Variants in GRM8 observed in about 807,000 individuals in gnomAD.
The protein encoded by GRM8 is metabotropic glutamate receptor 8.
Under a neutral mutation model 87.2 loss-of-function variants are expected in GRM8, and 47 were observed. The ratio of observed to expected loss-of-function variants is 0.54; its 90% CI spans 0.43 to 0.69. The LOEUF (loss-of-function observed/expected upper bound fraction) is 0.69, where lower values mean the gene tolerates loss of function less well. Among genes scored for constraint, GRM8 ranks in the 30% least tolerant of loss-of-function variants. The pLI, the probability that GRM8 is intolerant of heterozygous loss-of-function variation, is 0.00. For missense variants in GRM8, 1,019 were observed against 1,139.2 expected, an observed-to-expected ratio of 0.89 and a Z score of 1.52; for synonymous variants, 396 against 404.5, an observed-to-expected ratio of 0.98 and a Z score of 0.25.
chr7:127,153,001 T>C (rs1188913651), intron 2 of GRM8, among the ~76,000 whole-genome samples: 1 of 152,148 alleles, frequency 6.6e-6, no homozygotes, highest in African/African-American at 2.4e-5. Flanking sequence ...TTAAAGTATT[T>C]AACACCCTCC....
In GRM8 at chr7:127,022,213, G is replaced by A. The variant is rs1361962; in HGVS notation, c.727+84283C>T. Among the ~76,000 whole-genome samples the A allele has an allele frequency of 9.6e-4, 145 of 151,442 alleles. 4 individuals are homozygous for A. In the East Asian group the frequency reaches 0.022, roughly 23 times the overall value. ...TACAAATTTTATTATGGCAGCACAG[G>A]TCACTGTGTGGTAACTGTCTGAACT... On this transcript the variant is annotated intron_variant, in intron 3 of 10. Coordinates refer to ENST00000339582, the MANE Select transcript of GRM8 (RefSeq NM_000845.3).
chr7:127,111,698 T>C (rs957856552), intron 2 of GRM8, among the ~76,000 whole-genome samples: 1 of 152,204 alleles, frequency 6.6e-6, no homozygotes, highest in African/African-American at 2.4e-5. Context: ...CTCAAATCTA[T>C]GCCACACCAG....
At chr7:127,028,543 C>A (rs1817035960) in intron 3 of GRM8, among the ~76,000 whole-genome samples, 1 of 152,158 alleles carries the variant, frequency 6.6e-6, no homozygotes, top group Non-Finnish European at 1.5e-5. Context: ...GATCCAACTT[C>A]TTCCTGGTTT....
At chr7:126,954,352 G>A (rs922366216) in intron 3 of GRM8, among the ~76,000 whole-genome samples, 20 of 152,100 alleles carry the variant, frequency 1.3e-4, no homozygotes, top group Admixed American at 1.0e-3. Flanking sequence ...TAAGACAGTA[G>A]GGCTACATGC....
chr7:127,234,780 G>A (rs1797889618), intron 2 of GRM8, among the ~76,000 whole-genome samples: 1 of 152,214 alleles, frequency 6.6e-6, no homozygotes. Flanking sequence ...GCTACAGTGT[G>A]ATAACCATTG....
chr7:127,014,875 C>T (rs906652609), intron 3 of GRM8, among the ~76,000 whole-genome samples: 2 of 148,496 alleles, frequency 1.3e-5, no homozygotes, highest in African/African-American at 2.5e-5. Context: ...TAGCAAGAAC[C>T]GCTTCATACT....
Position 126,903,975 on chromosome 7 carries a change from C to T in GRM8, c.1015G>A (p.Asp339Asn). 2 of 1,456,426 alleles carry T rather than the reference C, an allele frequency of 1.4e-6. No homozygotes were observed. 90.2% of individuals were successfully genotyped at this position (1,456,426 alleles called of 1,614,324 possible). The change falls in exon 5 of 11, where the codon GAT (aspartate) becomes AAT (asparagine). Residue 339 changes from aspartate to asparagine, a missense_variant. Physicochemically the swap from Asp to Asn is conservative, Grantham distance 23. Coordinates refer to ENST00000339582, the MANE Select transcript of GRM8 (RefSeq NM_000845.3). Reference sequence around the variant, plus strand: ...ATTCTCTATGGTGCATTCTTACCATCAATTGATGCTCGTTTGGGCAAAATT... The same window carrying T: ...ATTCTCTATGGTGCATTCTTACCATTAATTGATGCTCGTTTGGGCAAAATT... Reference protein sequence around the residue: ...VTILPKRASIDGFDRYFRSRT... With the variant: ...VTILPKRASINGFDRYFRSRT...
intron 9 of GRM8, among the ~76,000 whole-genome samples, chr7:126,494,907 T>C (rs918561808): frequency 6.6e-6 from 1 of 152,048 alleles, no homozygotes; most frequent in African/African-American, 2.4e-5. Flanking sequence ...TTGGTTAAAA[T>C]AGATGACTGC....
chr7:127,179,516 G>A (rs1794313547), intron 2 of GRM8, among the ~76,000 whole-genome samples: 1 of 152,092 alleles, frequency 6.6e-6, no homozygotes, highest in Non-Finnish European at 1.5e-5. Flanking sequence ...GATATATAGA[G>A]AACGTTTCAT....
At chr7:126,936,332 G>A (rs1170571611) in intron 3 of GRM8, among the ~76,000 whole-genome samples, 1 of 152,082 alleles carries the variant, frequency 6.6e-6, no homozygotes, top group Admixed American at 6.6e-5. Context: ...CACTTTTCAT[G>A]ATGGATAGGC....
chr7:126,838,536 C>G (rs1053368022), intron 6 of GRM8, among the ~76,000 whole-genome samples: 1 of 152,160 alleles, frequency 6.6e-6, no homozygotes, highest in Non-Finnish European at 1.5e-5. Context: ...TGTTTTATTT[C>G]AAGTTCTTGA....
intron 8 of GRM8, among the ~76,000 whole-genome samples, chr7:126,590,849 CACTGT>C (rs1399346277): frequency 6.6e-6 from 1 of 152,134 alleles, no homozygotes; most frequent in African/African-American, 2.4e-5. Flanking sequence ...ACCAAGCCAG[CACTGT>C]AAGAACTACT....
intron 3 of GRM8, among the ~76,000 whole-genome samples, chr7:126,954,745 A>C (rs1049505850): frequency 6.6e-6 from 1 of 152,190 alleles, no homozygotes; most frequent in African/African-American, 2.4e-5. Context: ...CAAATAATCT[A>C]TACAGTACCT....
chr7:127,150,611 C>T (rs1485541390), intron 2 of GRM8, among the ~76,000 whole-genome samples: 1 of 152,106 alleles, frequency 6.6e-6, no homozygotes, highest in Non-Finnish European at 1.5e-5. Flanking sequence ...TCCCATTTTG[C>T]AGACGGGACA....
chr7:126,840,829 CAA>C (rs1185755146), intron 6 of GRM8, among the ~76,000 whole-genome samples: 2 of 152,180 alleles, frequency 1.3e-5, no homozygotes, highest in African/African-American at 4.8e-5. Context: ...TTTCATGTCA[CAA>C]AAGAGGTTAG....
intron 7 of GRM8, among the ~76,000 whole-genome samples, chr7:126,628,280 C>T (rs116219666): frequency 0.022 from 3,380 of 152,126 alleles, 119 homozygotes; most frequent in African/African-American, 0.078. Context: ...CTCCTGATCT[C>T]GTGAACCGCC....
intron 6 of GRM8, among the ~76,000 whole-genome samples, chr7:126,820,881 G>A (rs1475604692): frequency 2.0e-5 from 3 of 152,184 alleles, no homozygotes; most frequent in Admixed American, 6.5e-5. Flanking sequence ...TGGGCGGATC[G>A]CTTGAGGCCA....
chr7:126,755,809 CA>C (rs1233013969), intron 7 of GRM8, among the ~76,000 whole-genome samples: 4 of 151,724 alleles, frequency 2.6e-5, no homozygotes, highest in Non-Finnish European at 5.9e-5. Flanking sequence ...CTGATGGTGT[CA>C]ATTGAAACTG....
chr7:126,682,194 AT>A lies in GRM8; in HGVS notation c.1358-72697del, dbSNP rs545662704. Among the ~76,000 whole-genome samples the A allele has an allele frequency of 5.4e-3, 828 of 152,346 alleles. 8 individuals carry two copies. The highest frequency in any genetic ancestry group is 0.01 in the Non-Finnish European group (681 of 68,030). ...CTTCTATACTATTTAGTCCCTTTAG[AT>A]CAGAGATAGAAATTATGTATTATTA... On this transcript the variant is annotated intron_variant, in intron 7 of 10. Transcript: ENST00000339582.
Sources: allele counts gnomAD v4.1 joint callset (sites outside exome capture counted in the v4.1 genomes callset), GRCh38; gene constraint gnomAD v4.1.1; transcripts MANE v1.5; gene names NCBI Gene and HGNC (gene_info 2026-07-23, HGNC 2026-07-21).